ADARB2: variants seen among roughly 807,000 people sequenced by gnomAD.
The protein encoded by ADARB2 is adenosine deaminase RNA specific B2 (inactive).
Under a neutral mutation model 62.2 loss-of-function variants are expected in ADARB2, and 25 were observed. That is an observed-to-expected ratio of 0.40 (90% CI 0.29 to 0.56). The LOEUF (loss-of-function observed/expected upper bound fraction) is 0.56, where lower values mean the gene tolerates loss of function less well. Among genes scored for constraint, ADARB2 ranks in the 20% least tolerant of loss-of-function variants. ADARB2 has a pLI of 0.43. For synonymous variants in ADARB2, 572 were observed against 500.8 expected, an observed-to-expected ratio of 1.14 and a Z score of -1.90; for missense variants, 1,071 against 1,077.4, an observed-to-expected ratio of 0.99 and a Z score of 0.08.
chr10:1,663,400 C>G (rs560897011), intron 1 of ADARB2, among the ~76,000 whole-genome samples: 1 of 152,168 alleles, frequency 6.6e-6, no homozygotes, highest in Non-Finnish European at 1.5e-5. Context: ...TGCTACAGAG[C>G]GCTGCCACTC....
intron 3 of ADARB2, among the ~76,000 whole-genome samples, chr10:1,310,954 T>C (rs1344738756): frequency 6.6e-6 from 1 of 152,210 alleles, no homozygotes; most frequent in Non-Finnish European, 1.5e-5. Flanking sequence ...AAATGTGTGT[T>C]TTGGAGTAAA....
chr10:1,641,303 G>A (rs531897833), intron 1 of ADARB2, among the ~76,000 whole-genome samples: 7 of 152,216 alleles, frequency 4.6e-5, no homozygotes, highest in Non-Finnish European at 7.3e-5. Context: ...GCAACAGCAC[G>A]AAGTGGTGTG....
chr10:1,395,523 A>G (rs1006215136), intron 1 of ADARB2, among the ~76,000 whole-genome samples: 3 of 152,180 alleles, frequency 2.0e-5, no homozygotes, highest in African/African-American at 7.2e-5. Flanking sequence ...CCCAGGGGGC[A>G]GTGATGGGCC....
chr10:1,323,264 A>C (rs891583356), intron 3 of ADARB2, among the ~76,000 whole-genome samples: 11 of 151,862 alleles, frequency 7.2e-5, no homozygotes, highest in Admixed American at 5.2e-4. Context: ...AAAAAAAAAA[A>C]AAAACACTGT....
chr10:1,272,832 G>C (rs775435431), intron 3 of ADARB2, among the ~76,000 whole-genome samples: 2 of 152,166 alleles, frequency 1.3e-5, no homozygotes, highest in African/African-American at 4.8e-5. Flanking sequence ...CCTTAACTGG[G>C]GGTCTTTAAA....
chr10:1,269,840 G>A (rs1200368191), intron 4 of ADARB2, among the ~76,000 whole-genome samples: 1 of 148,086 alleles, frequency 6.8e-6, no homozygotes, highest in Non-Finnish European at 1.5e-5. Flanking sequence ...GAGCTTGGTG[G>A]AGGTGAACTC....
intron 3 of ADARB2, among the ~76,000 whole-genome samples, chr10:1,315,042 G>A (rs1831725679): frequency 6.6e-6 from 1 of 152,172 alleles, no homozygotes; most frequent in Non-Finnish European, 1.5e-5. Context: ...CCAACATGAC[G>A]AAGTAGCGTA....
chr10:1,689,171 A>C (rs1177536682), intron 1 of ADARB2, among the ~76,000 whole-genome samples: 1 of 152,178 alleles, frequency 6.6e-6, no homozygotes, highest in East Asian at 1.9e-4. Context: ...ATTTTATAGG[A>C]TGGTGCTTGT....
At chr10:1,571,426 A>T (rs1402525665) in intron 1 of ADARB2, among the ~76,000 whole-genome samples, 2 of 152,340 alleles carry the variant, frequency 1.3e-5, no homozygotes, top group Non-Finnish European at 1.5e-5. Context: ...TAAATTTAGG[A>T]AGTAAAACAG....
At chr10:1,394,789 AG>A (rs1333724294) in intron 1 of ADARB2, 8 of 455,370 alleles carry the variant, frequency 1.8e-5, no homozygotes, top group African/African-American at 6.0e-5. Context: ...ACCTGGTAGG[AG>A]CGTCTAAGGG....
chr10:1,611,885 C>A (rs1314324846), intron 1 of ADARB2, among the ~76,000 whole-genome samples: 1 of 152,152 alleles, frequency 6.6e-6, no homozygotes, highest in African/African-American at 2.4e-5. Flanking sequence ...GGACCATGCA[C>A]CCCAGATGCG....
chr10:1,317,406 C>T (rs1199702532), intron 3 of ADARB2, among the ~76,000 whole-genome samples: 1 of 152,152 alleles, frequency 6.6e-6, no homozygotes, highest in Non-Finnish European at 1.5e-5. Context: ...CGATTGTCTT[C>T]GTAAGTTGTT....
chr10:1,505,469 C>A (rs11250571), intron 1 of ADARB2, among the ~76,000 whole-genome samples: 1 of 151,250 alleles, frequency 6.6e-6, no homozygotes, highest in Non-Finnish European at 1.5e-5. Flanking sequence ...CTTAGGGAGG[C>A]GAAATGATTT....
At chr10:1,683,705 G>A (rs1397819052) in intron 1 of ADARB2, among the ~76,000 whole-genome samples, 2 of 152,184 alleles carry the variant, frequency 1.3e-5, no homozygotes, top group Non-Finnish European at 2.9e-5. Flanking sequence ...ATCTTATTTT[G>A]AGATACCAAG....
At position 1,440,120 on chromosome 10, in the gene ADARB2, T is replaced by C. The variant is rs1009055807; in HGVS notation, c.101-60960A>G. 3.4e-5 allele frequency among the ~76,000 whole-genome samples: 5 copies of C among 148,854 alleles called. No individual in the cohort carries two copies. The South Asian group carries it at 6.4e-4, about 19-fold the overall frequency. On this transcript the variant is annotated intron_variant, in intron 1 of 9. Coordinates refer to ENST00000381312, the MANE Select transcript of ADARB2 (RefSeq NM_018702.4). ...GCAGATGGAGGCAGGCTCCTCATGA[T>C]GGGGCTCCTGAGTCTCCCCCAGGAC...
At chr10:1,366,387 C>A (rs1192865760) in intron 2 of ADARB2, among the ~76,000 whole-genome samples, 1 of 152,176 alleles carries the variant, frequency 6.6e-6, no homozygotes, top group East Asian at 1.9e-4. Flanking sequence ...GTCCATACTA[C>A]CCTCGCTGGT....
At chr10:1,273,130 TGAG>T (rs1342101311) in intron 3 of ADARB2, among the ~76,000 whole-genome samples, 2 of 152,226 alleles carry the variant, frequency 1.3e-5, no homozygotes, top group Non-Finnish European at 2.9e-5. Context: ...GTCCTTAACT[TGAG>T]GATATCTGCA....
At chr10:1,504,461 T>G (rs1014258364) in intron 1 of ADARB2, among the ~76,000 whole-genome samples, 3 of 152,188 alleles carry the variant, frequency 2.0e-5, no homozygotes, top group African/African-American at 7.2e-5. Flanking sequence ...GACACGTGTG[T>G]ACGCGGGCAT....
intron 1 of ADARB2, among the ~76,000 whole-genome samples, chr10:1,594,296 A>G (rs1207840027): frequency 1.3e-5 from 2 of 152,128 alleles, no homozygotes; most frequent in East Asian, 1.9e-4. Flanking sequence ...ATCTCAAAAG[A>G]AAATCAAAAA....
Sources: gnomAD v4.1 joint callset for allele counts (sites outside exome capture counted in the v4.1 genomes callset) on GRCh38, gnomAD v4.1.1 for gene constraint, MANE v1.5 for transcripts, NCBI Gene and HGNC (gene_info 2026-07-23, HGNC 2026-07-21) for gene names.